The following AVIL variants were observed in gnomAD, a reference collection of about 807,000 sequenced individuals.
AVIL encodes the protein advillin.
In AVIL, 78 loss-of-function variants were observed where a neutral mutation model predicts 109.9. The ratio of observed to expected loss-of-function variants is 0.71; its 90% CI spans 0.59 to 0.86. AVIL has a LOEUF of 0.86. Among genes scored for constraint, AVIL ranks in the 40% least tolerant of loss-of-function variants. The pLI is 0.00. For synonymous variants in AVIL, 367 were observed against 379.1 expected (o/e 0.97, Z 0.37); for missense variants, 892 against 1,016.5 (o/e 0.88, Z 1.67).
In AVIL at chr12:57,814,072, C is replaced by G. The variant is rs1956071472; in HGVS notation, c.141+80G>C. The G allele has an allele frequency of 3.4e-6, 5 of 1,479,542 alleles. No individual in the cohort carries two copies. In the South Asian group the frequency reaches 6.0e-5, roughly 18 times the overall value. The allele number at this position is 1,479,542 out of a possible 1,614,324, so 91.7% of individuals were successfully genotyped here. A position where few individuals can be genotyped will look rare whatever the true frequency, so the allele number is the denominator to read the frequency against. On this transcript the variant is annotated intron_variant, in intron 3 of 19. Coordinates refer to ENST00000549994, the MANE Select transcript of AVIL (RefSeq NM_006576.4). ...CGATACCAGGGACTGACTACCTTCCCTCACCAGCACATCTCCCAGTACAGC... is the reference window on the plus strand; with the variant it reads ...CGATACCAGGGACTGACTACCTTCCGTCACCAGCACATCTCCCAGTACAGC...
In AVIL at chr12:57,809,731, C is replaced by T. The variant is rs201238413; in HGVS notation, c.841-36G>A. On this transcript the variant is annotated intron_variant, in intron 8 of 19. Transcript: ENST00000549994. ...CAGAGATAGGTATGGTTGCTCAAGACCAGAAGGAAGATTTTGCACAGGGTC... is the reference window on the plus strand; with the variant it reads ...CAGAGATAGGTATGGTTGCTCAAGATCAGAAGGAAGATTTTGCACAGGGTC... 80 of 1,613,786 alleles carry T rather than the reference C, an allele frequency of 5.0e-5. 1 individual carries two copies. In the Admixed American group the frequency reaches 1.0e-3, roughly 21 times the overall value.
At chr12:57,802,447 CAA>C (rs1169840410) in intron 16 of AVIL, 99 bp from the exon 17 acceptor site, 10 of 1,376,136 alleles carry the variant, frequency 7.3e-6, no homozygotes, top group Non-Finnish European at 1.0e-5. Flanking sequence ...CTTTCGTGAG[CAA>C]TTCACAGCCT....
intron 14 of AVIL, among the ~76,000 whole-genome samples, chr12:57,804,907 C>G (rs767024678): frequency 2.1e-4 from 32 of 151,776 alleles, no homozygotes; most frequent in Non-Finnish European, 2.1e-4. Flanking sequence ...TCCTGTTGCT[C>G]TGCATCCTTG....
intron 6 of AVIL, 76 bp downstream of exon 6, chr12:57,810,740 G>C: frequency 6.6e-7 from 1 of 1,516,778 alleles, no homozygotes; most frequent in Non-Finnish European, 9.1e-7. Flanking sequence ...GCTCCACCTT[G>C]ATTCTTGGGG....
chr12:57,818,614 A>T lies in AVIL; in HGVS notation c.-20+15T>A, dbSNP rs931667050. 17 of 152,140 alleles carry T rather than the reference A, an allele frequency of 1.1e-4. No homozygotes were observed. Among genetic ancestry groups the T allele is most frequent in the African/African-American group, 4.1e-4 (17 of 41,416 alleles). 9.4% of individuals were successfully genotyped at this position (152,140 alleles called of 1,614,324 possible). ...GAGGATTAACTGGCATGCCCCCGTA[A>T]ATCAGAGACCTTACCTTGCCTTCTC... On this transcript the variant is annotated intron_variant, in intron 1 of 19. Coordinates refer to ENST00000549994, the MANE Select transcript of AVIL (RefSeq NM_006576.4).
chr12:57,810,292 AG>A, intron 7 of AVIL, 56 bp downstream of exon 7: 1 of 1,575,458 alleles, frequency 6.3e-7, no homozygotes, highest in African/African-American at 1.3e-5. Flanking sequence ...CTGGTGTTCT[AG>A]GGGACACCTT....
intron 9 of AVIL, chr12:57,809,307 C>T (rs891316469): frequency 2.8e-5 from 12 of 434,268 alleles, no homozygotes; most frequent in Non-Finnish European, 3.8e-5. Flanking sequence ...GCCCTGAGTG[C>T]TTTACAAATG....
chr12:57,810,800 G>C lies in AVIL; in HGVS notation c.558+16C>G, dbSNP rs773027147. 6.2e-7 allele frequency: 1 copy of C among 1,610,334 alleles called. No individual in the cohort carries two copies. The highest frequency in any genetic ancestry group is 8.5e-7 in the Non-Finnish European group (1 of 1,176,536). On this transcript the variant is annotated intron_variant, in intron 6 of 19. Transcript: ENST00000549994. ...AAAGAGGAACTTGAGAAAGTGCTAA[G>C]GCTAGGAAGCCATACCTTCAGGCGC... is the stretch of plus-strand genomic sequence containing the variant.
In AVIL at chr12:57,808,532, T is replaced by C; in HGVS notation, c.956A>G (p.Lys319Arg). The change falls in exon 10 of 20, where the codon AAG becomes AGG. Residue 319 changes from lysine to arginine, a missense_variant. Physicochemically the swap from Lys to Arg is conservative, Grantham distance 26. Coordinates refer to ENST00000549994, the MANE Select transcript of AVIL (RefSeq NM_006576.4). ...CACATTGGTGCTGCTGGGGTAGCTC[T>C]TCATCTTGATGAAGCCCTGCAGAGC... ...MSKALGFIKM[K>R]SYPSSTNVET... The C allele has an allele frequency of 6.2e-7, 1 of 1,614,090 alleles. No homozygotes were observed.
chr12:57,806,663 A>G, intron 13 of AVIL, 124 bp from the exon 14 acceptor site: 1 of 1,071,524 alleles, frequency 9.3e-7, no homozygotes, highest in Non-Finnish European at 1.3e-6. Flanking sequence ...TTCTAGACTC[A>G]CTGGAAAGGG....
intron 1 of AVIL, among the ~76,000 whole-genome samples, chr12:57,816,796 G>C (rs147260594): frequency 7.0e-6 from 1 of 143,610 alleles, no homozygotes; most frequent in Admixed American, 7.4e-5. Flanking sequence ...GTGCTTTCCA[G>C]ATGCAAGGAA....
chr12:57,805,536 GTTT>G (rs755933666), intron 14 of AVIL, among the ~76,000 whole-genome samples: 1 of 142,430 alleles, frequency 7.0e-6, no homozygotes. Context: ...CTTTCAGTGA[GTTT>G]TTTTTTTTTT....
chr12:57,807,248 C>T, intron 13 of AVIL, 83 bp downstream of exon 13: 3 of 1,589,684 alleles, frequency 1.9e-6, no homozygotes, highest in South Asian at 2.3e-5. Flanking sequence ...CCCCACCCCT[C>T]CTCTGCTCTC....
Position 57,804,095 on chromosome 12 carries a change from C to G in AVIL, c.1672-426G>C, listed in dbSNP as rs146910900. On this transcript the variant is annotated intron_variant, in intron 14 of 19. Transcript: ENST00000549994. The stretch of plus-strand genomic sequence containing the variant: ...GCACAGAACAGTTTCTTCCTCAGTC[C>G]GTCCCAAAATTATCTGGGGTGCGAC... 95 of 156,268 alleles carry G rather than the reference C, an allele frequency of 6.1e-4. No homozygotes were observed. The East Asian group carries it at 0.014, about 24-fold the overall frequency. The allele number at this position is 156,268 out of a possible 1,614,324, so 9.7% of individuals were successfully genotyped here. A position where few individuals can be genotyped will look rare whatever the true frequency, so the allele number is the denominator to read the frequency against.
rs778427686 is a variant in AVIL at position 57,806,544 on chromosome 12, A to C, written c.1492-5T>G. ...TCCCTTCCTGGAAGTCCCACCCTAG[A>C]GAGAAGAAAAGCAGAGTCCAGATCT... On this transcript the variant is annotated splice_region_variant and splice_polypyrimidine_tract_variant and intron_variant, in intron 13 of 19. Transcript: ENST00000549994. The C allele has an allele frequency of 1.3e-5, 21 of 1,613,678 alleles. No homozygotes were observed. Among genetic ancestry groups the C allele is most frequent in the Non-Finnish European group, 1.7e-5 (20 of 1,179,912 alleles).
chr12:57,803,928 T>C (rs1328360952), intron 14 of AVIL: 3 of 382,642 alleles, frequency 7.8e-6, no homozygotes, highest in African/African-American at 6.2e-5. Flanking sequence ...TCAGTTTGAA[T>C]TTAGGCACCT....
At chr12:57,799,971 G>C (rs1565828184) in intron 18 of AVIL, 51 bp from the exon 19 acceptor site, 1 of 1,605,426 alleles carries the variant, frequency 6.2e-7, no homozygotes, top group Non-Finnish European at 8.5e-7. Flanking sequence ...CAGTGTCTGT[G>C]TGGTTACAGT....
At chr12:57,814,678 G>A (rs549006163) in intron 2 of AVIL, 10 of 164,236 alleles carry the variant, frequency 6.1e-5, no homozygotes, top group East Asian at 5.1e-4. Flanking sequence ...CTGTGGGGCC[G>A]TGGGAGGTGG....
chr12:57,815,175 A>G (rs2140461634), intron 2 of AVIL, among the ~76,000 whole-genome samples: 1 of 152,070 alleles, frequency 6.6e-6, no homozygotes, highest in African/African-American at 2.4e-5. Context: ...GATGGTCTCA[A>G]TCTCCTGACT....
Sources: gnomAD v4.1 joint callset for allele counts (sites outside exome capture counted in the v4.1 genomes callset) on GRCh38, gnomAD v4.1.1 for gene constraint, MANE v1.5 for transcripts, NCBI Gene and HGNC (gene_info 2026-07-23, HGNC 2026-07-21) for gene names.